Variants in POC1A observed in about 807,000 individuals in gnomAD.
POC1A encodes the protein POC1 centriolar protein homolog A.
POC1A carries 34 observed loss-of-function variants against 47.8 expected under a neutral mutation model. The ratio of observed to expected loss-of-function variants is 0.71; its 90% CI spans 0.54 to 0.95. POC1A has a LOEUF of 0.95. POC1A is among the 40% of genes least tolerant of loss of function. POC1A has a pLI of 0.00. For synonymous variants in POC1A, 177 were observed against 207.6 expected, an observed-to-expected ratio of 0.85 and a Z score of 1.27; for missense variants, 466 against 528.3, an observed-to-expected ratio of 0.88 and a Z score of 1.16.
intron 7 of POC1A, among the ~76,000 whole-genome samples, chr3:52,135,910 G>C (rs769082079): frequency 6.6e-6 from 1 of 152,122 alleles, no homozygotes; most frequent in Non-Finnish European, 1.5e-5. Context: ...GCCAGCTGTA[G>C]AACCCGGTAT....
intron 9 of POC1A, among the ~76,000 whole-genome samples, chr3:52,120,692 A>C (rs1307436626): frequency 6.6e-6 from 1 of 152,184 alleles, no homozygotes; most frequent in Non-Finnish European, 1.5e-5. Context: ...CAGAGCTGTG[A>C]CTACAACTCC....
At position 52,075,668 on chromosome 3, in the gene POC1A, T is replaced by G; in HGVS notation, c.*219A>C. On this transcript the variant is annotated 3_prime_UTR_variant, in exon 11 of 11. Coordinates refer to ENST00000296484, the MANE Select transcript of POC1A (RefSeq NM_015426.5). ...CCTCTCATTCGGGTCTGAAGCATCA[T>G]TTGTGTGTGAGCCCGGCCCACTGGG... The G allele has an allele frequency of 4.3e-6, 2 of 465,390 alleles. No homozygotes were observed. Among genetic ancestry groups the G allele is most frequent in the Non-Finnish European group, 4.0e-6 (1 of 249,346 alleles). The allele number at this position is 465,390 out of a possible 1,614,324, so 28.8% of individuals were successfully genotyped here. A position where few individuals can be genotyped will look rare whatever the true frequency, so the allele number is the denominator to read the frequency against.
intron 1 of POC1A, among the ~76,000 whole-genome samples, chr3:52,151,356 T>C (rs1183924290): frequency 1.3e-5 from 2 of 152,112 alleles, no homozygotes; most frequent in African/African-American, 4.8e-5. Context: ...AGTTGCAAGA[T>C]ACAAAATCAA....
intron 9 of POC1A, among the ~76,000 whole-genome samples, chr3:52,097,530 G>C (rs1559817758): frequency 6.6e-6 from 1 of 152,232 alleles, no homozygotes. Context: ...CGGGATGCTG[G>C]AGCCAAGGAT....
chr3:52,105,310 T>A (rs1703139609), intron 9 of POC1A, among the ~76,000 whole-genome samples: 3 of 152,244 alleles, frequency 2.0e-5, no homozygotes, highest in Admixed American at 1.3e-4. Context: ...TATTTTCAAC[T>A]GAATCTTCGA....
intron 10 of POC1A, among the ~76,000 whole-genome samples, chr3:52,091,002 G>C (rs1702627303): frequency 6.6e-6 from 1 of 152,244 alleles, no homozygotes; most frequent in Non-Finnish European, 1.5e-5. Flanking sequence ...AAAAGAGGCA[G>C]AGATGGGTCT....
rs180680821 is a variant in POC1A at position 52,082,191 on chromosome 3, G to A, written c.1126-6206C>T. Among the ~76,000 whole-genome samples the A allele has an allele frequency of 7.9e-3, 1,203 of 152,258 alleles. 7 individuals carry two copies. The highest frequency in any genetic ancestry group is 0.013 in the Non-Finnish European group (877 of 68,002). ...TGGGTGAGGAGGGAAGGAAGAGGGG[G>A]GAGTGGGGAGGGCAGTGGACCCACA... is the stretch of plus-strand genomic sequence containing the variant. On this transcript the variant is annotated intron_variant, in intron 10 of 10. Transcript: ENST00000296484.
intron 10 of POC1A, among the ~76,000 whole-genome samples, chr3:52,085,300 G>A (rs1702423374): frequency 6.6e-6 from 1 of 152,160 alleles, no homozygotes; most frequent in Admixed American, 6.5e-5. Context: ...GCACTCAGGT[G>A]CCCCTCCGGC....
At chr3:52,096,739 C>T (rs1266815925) in intron 9 of POC1A, 27 bp from the exon 10 acceptor site, 12 of 1,546,644 alleles carry the variant, frequency 7.8e-6, no homozygotes, top group Non-Finnish European at 7.8e-6. Flanking sequence ...AAAAGTTCCT[C>T]AGTCTATCCA....
At chr3:52,093,935 G>A (rs1415306712) in intron 10 of POC1A, among the ~76,000 whole-genome samples, 2 of 152,200 alleles carry the variant, frequency 1.3e-5, no homozygotes, top group African/African-American at 2.4e-5. Flanking sequence ...CCAGGGGCTG[G>A]AGACTCTGTG....
At chr3:52,088,675 T>C (rs1239782687) in intron 10 of POC1A, among the ~76,000 whole-genome samples, 1 of 152,104 alleles carries the variant, frequency 6.6e-6, no homozygotes, top group Non-Finnish European at 1.5e-5. Flanking sequence ...GGCCCCTTTC[T>C]TGTGGCCTGT....
chr3:52,100,332 C>A (rs1442849480), intron 9 of POC1A, among the ~76,000 whole-genome samples: 1 of 152,196 alleles, frequency 6.6e-6, no homozygotes, highest in African/African-American at 2.4e-5. Context: ...CTGAATTGAC[C>A]GTGATCTCCC....
At chr3:52,091,368 G>A (rs1702641960) in intron 10 of POC1A, among the ~76,000 whole-genome samples, 1 of 152,242 alleles carries the variant, frequency 6.6e-6, no homozygotes, top group East Asian at 1.9e-4. Context: ...CAGTTCCATT[G>A]TTAGGAAATA....
chr3:52,105,960 T>C (rs1703163654), intron 9 of POC1A, among the ~76,000 whole-genome samples: 1 of 152,062 alleles, frequency 6.6e-6, no homozygotes, highest in Non-Finnish European at 1.5e-5. Context: ...TTTGGGAGGC[T>C]GAGGCGGGCG....
rs969626697 is a variant in POC1A at position 52,085,028 on chromosome 3, T to C, written c.1126-9043A>G. ...GGCACCAGTGGCTGATGGGGCAAGA[T>C]GGAAAGCCACACTGACTGAGAGAAA... is the stretch of plus-strand genomic sequence containing the variant. On this transcript the variant is annotated intron_variant, in intron 10 of 10. Transcript: ENST00000296484. Among the ~76,000 whole-genome samples, 7 of 152,148 alleles carry C rather than the reference T, an allele frequency of 4.6e-5. No individual in the cohort carries two copies. The East Asian group carries it at 7.7e-4, about 17-fold the overall frequency.
chr3:52,144,254 C>T (rs1186182784), intron 6 of POC1A, among the ~76,000 whole-genome samples: 1 of 152,230 alleles, frequency 6.6e-6, no homozygotes, highest in African/African-American at 2.4e-5. Flanking sequence ...AGATGTGCCC[C>T]ATCCCCAAGC....
Position 52,097,248 on chromosome 3 carries a change from C to T in POC1A, c.982-536G>A, listed in dbSNP as rs139177430. On this transcript the variant is annotated intron_variant, in intron 9 of 10. Coordinates refer to ENST00000296484, the MANE Select transcript of POC1A (RefSeq NM_015426.5). ...GAACTTGGTGGAAGTGTGTGTGTGG[C>T]GGGGAGAGGGGTGTTCCAACCCCAC... Among the ~76,000 whole-genome samples, 203 of 152,272 alleles carry T rather than the reference C, an allele frequency of 1.3e-3. 1 individual carries two copies. Among genetic ancestry groups the T allele is most frequent in the African/African-American group, 4.6e-3 (190 of 41,558 alleles).
chr3:52,085,238 G>A (rs542427517), intron 10 of POC1A, among the ~76,000 whole-genome samples: 2 of 152,244 alleles, frequency 1.3e-5, no homozygotes, highest in South Asian at 2.1e-4. Flanking sequence ...CCCCAGCTGG[G>A]CTCCTCCTGC....
At chr3:52,081,354 C>T (rs1002089913) in intron 10 of POC1A, among the ~76,000 whole-genome samples, 3 of 152,204 alleles carry the variant, frequency 2.0e-5, no homozygotes, top group African/African-American at 7.2e-5. Context: ...TCTTCCCTTA[C>T]TCAAACTCTC....
Sources: allele counts gnomAD v4.1 joint callset (sites outside exome capture counted in the v4.1 genomes callset), GRCh38; gene constraint gnomAD v4.1.1; transcripts MANE v1.5; gene names NCBI Gene and HGNC (gene_info 2026-07-23, HGNC 2026-07-21).